MYO16: variants seen among roughly 807,000 people sequenced by gnomAD.
MYO16 encodes unconventional myosin-XVI.
A neutral mutation model predicts 205.3 loss-of-function variants in MYO16; 94 were observed. That is an observed-to-expected ratio of 0.46 (90% confidence interval 0.39 to 0.54). The LOEUF (loss-of-function observed/expected upper bound fraction) is 0.54, where lower values mean the gene tolerates loss of function less well. MYO16 is among the 20% of genes least tolerant of loss of function. MYO16 has a pLI of 0.00. For synonymous variants in MYO16, 988 were observed against 954.0 expected (o/e 1.04, Z -0.66); for missense variants, 2,315 against 2,387.5 (o/e 0.97, Z 0.63).
chr13:108,724,245 C>A (rs72666765), intron 3 of MYO16, among the ~76,000 whole-genome samples: 2 of 152,056 alleles, frequency 1.3e-5, no homozygotes, highest in Non-Finnish European at 2.9e-5. Flanking sequence ...ATGTCATATG[C>A]GAATAATGGC....
intron 17 of MYO16, 95 bp downstream of exon 17, chr13:108,957,894 A>G: frequency 1.0e-6 from 1 of 973,484 alleles, no homozygotes; most frequent in Non-Finnish European, 1.6e-6. Flanking sequence ...CCCCTATGAC[A>G]TTCCAGATGT....
intron 21 of MYO16, among the ~76,000 whole-genome samples, chr13:109,007,539 C>CGTGTGT (rs71125360): frequency 1.1e-3 from 148 of 133,700 alleles, no homozygotes; most frequent in Middle Eastern, 3.8e-3. Flanking sequence ...AGAAATCAGC[C>CGTGTGT]GTGTGTGTGT....
At chr13:109,084,685 T>G (rs1434022829) in intron 27 of MYO16, among the ~76,000 whole-genome samples, 1 of 151,150 alleles carries the variant, frequency 6.6e-6, no homozygotes, top group African/African-American at 2.4e-5. Flanking sequence ...TTTAAGTAAT[T>G]ATTAAAATTT....
chr13:109,128,324 T>G (rs1876362531), intron 31 of MYO16, among the ~76,000 whole-genome samples: 1 of 152,216 alleles, frequency 6.6e-6, no homozygotes, highest in Non-Finnish European at 1.5e-5. Context: ...AACTGGATTG[T>G]TGCTGCTGAG....
chr13:108,977,233 A>G (rs1319524239), intron 20 of MYO16, among the ~76,000 whole-genome samples: 1 of 152,134 alleles, frequency 6.6e-6, no homozygotes, highest in East Asian at 1.9e-4. Context: ...CTGCTGCACT[A>G]CTTGTGGATA....
At chr13:108,721,325 A>T (rs1226357758) in intron 3 of MYO16, among the ~76,000 whole-genome samples, 1 of 152,172 alleles carries the variant, frequency 6.6e-6, no homozygotes, top group Admixed American at 6.5e-5. Context: ...GTAGTCATAG[A>T]TTGGGATGCC....
chr13:108,967,038 A>G (rs1883818867), intron 20 of MYO16, among the ~76,000 whole-genome samples: 1 of 152,110 alleles, frequency 6.6e-6, no homozygotes, highest in African/African-American at 2.4e-5. Flanking sequence ...GTATATATGT[A>G]TTTATTACTG....
intron 28 of MYO16, among the ~76,000 whole-genome samples, chr13:109,117,434 A>ATG (rs1875763328): frequency 3.2e-5 from 3 of 93,540 alleles, no homozygotes; most frequent in African/African-American, 6.4e-5. Flanking sequence ...ATGTGTATAT[A>ATG]TATGTATATA....
intron 21 of MYO16, among the ~76,000 whole-genome samples, chr13:108,997,342 G>A (rs1192027816): frequency 6.5e-4 from 2 of 3,098 alleles, no homozygotes; most frequent in African/African-American, 2.9e-3. Flanking sequence ...GAAAGAAAGA[G>A]AGAGAGAGAG....
upstream of MYO16, among the ~76,000 whole-genome samples, chr13:108,624,914 T>C (rs1472661448): frequency 2.6e-5 from 4 of 152,264 alleles, no homozygotes; most frequent in Middle Eastern, 3.4e-3. Flanking sequence ...TTCAGTCTTT[T>C]TGAAGCAGTT....
chr13:108,645,941 G>A (rs1566525944), intron 1 of MYO16, among the ~76,000 whole-genome samples: 1 of 152,170 alleles, frequency 6.6e-6, no homozygotes, highest in Non-Finnish European at 1.5e-5. Flanking sequence ...CAGGGTGCAG[G>A]AAGGTGGGGA....
At chr13:109,068,589 ATT>A (rs35068937) in intron 27 of MYO16, among the ~76,000 whole-genome samples, 58,271 of 131,932 alleles carry the variant, frequency 0.44, 10,510 homozygotes, top group South Asian at 0.49. Context: ...TAAGCCATGA[ATT>A]TTTTTTTTTT....
At chr13:108,757,616 C>G (rs1267637961) in intron 4 of MYO16, among the ~76,000 whole-genome samples, 2 of 152,066 alleles carry the variant, frequency 1.3e-5, no homozygotes, top group Non-Finnish European at 2.9e-5. Flanking sequence ...TCTCCTAATG[C>G]TATCCCTCCC....
chr13:108,588,952 A>G, the MYO16 span, among the ~76,000 whole-genome samples: 2 of 151,770 alleles, frequency 1.3e-5, no homozygotes, highest in Non-Finnish European at 2.9e-5. Context: ...ATAATTGAGT[A>G]TTTGTGGACT....
At chr13:108,677,436 A>G (rs1031027497) in intron 2 of MYO16, among the ~76,000 whole-genome samples, 3 of 150,148 alleles carry the variant, frequency 2.0e-5, no homozygotes, top group African/African-American at 7.3e-5. Context: ...GTGTGTATAT[A>G]TAGGTACAGA....
At chr13:108,642,371 G>A (rs1880541628) in intron 1 of MYO16, among the ~76,000 whole-genome samples, 2 of 152,154 alleles carry the variant, frequency 1.3e-5, no homozygotes, top group African/African-American at 4.8e-5. Context: ...TGCAGATTGA[G>A]AGACTAGGGC....
At chr13:108,989,314 T>C (rs1303025457) in intron 20 of MYO16, among the ~76,000 whole-genome samples, 1 of 152,186 alleles carries the variant, frequency 6.6e-6, no homozygotes, top group Non-Finnish European at 1.5e-5. Flanking sequence ...TCATATTACC[T>C]TTATATACAC....
intron 10 of MYO16, among the ~76,000 whole-genome samples, chr13:108,854,404 A>T (rs2139098199): frequency 6.6e-6 from 1 of 152,294 alleles, no homozygotes; most frequent in South Asian, 2.1e-4. Context: ...TAATATCAGA[A>T]AAAATAGTCC....
intron 12 of MYO16, among the ~76,000 whole-genome samples, chr13:108,871,357 TGTG>T (rs1879052078): frequency 6.7e-6 from 1 of 149,520 alleles, no homozygotes; most frequent in Non-Finnish European, 1.5e-5. Context: ...TGTGTGTGTG[TGTG>T]TGTCTGTGTG....
Sources: gnomAD v4.1 joint callset for allele counts (sites outside exome capture counted in the v4.1 genomes callset) on GRCh38, gnomAD v4.1.1 for gene constraint, MANE v1.5 for transcripts, NCBI Gene and HGNC (gene_info 2026-07-23, HGNC 2026-07-21) for gene names.